MACROD2: variants seen among roughly 807,000 people sequenced by gnomAD.
MACROD2 encodes the protein ADP-ribose glycohydrolase MACROD2.
MACROD2 carries 36 observed loss-of-function variants against 70.4 expected under a neutral mutation model. That is an observed-to-expected ratio of 0.51 (90% CI 0.39 to 0.68). MACROD2 has a LOEUF of 0.68. Ranked by LOEUF, MACROD2 falls within the 30% of genes least tolerant of loss-of-function variation. The pLI is 0.00. For missense variants in MACROD2, 496 were observed against 538.4 expected, an observed-to-expected ratio of 0.92 and a Z score of 0.78; for synonymous variants, 172 against 178.8, an observed-to-expected ratio of 0.96 and a Z score of 0.30.
At chr20:15,841,670 C>A (rs535750237) in intron 8 of MACROD2, among the ~76,000 whole-genome samples, 1 of 152,228 alleles carries the variant, frequency 6.6e-6, no homozygotes, top group East Asian at 1.9e-4. Flanking sequence ...CAGGCCCTAC[C>A]TCCAACACTG....
intron 6 of MACROD2, among the ~76,000 whole-genome samples, chr20:15,243,839 T>C (rs190400016): frequency 0.011 from 1,626 of 150,092 alleles, 30 homozygotes; most frequent in African/African-American, 0.038. Flanking sequence ...GGCAGGAGAA[T>C]GGCGTGAATC....
At chr20:14,387,132 T>C (rs572298582) in intron 3 of MACROD2, among the ~76,000 whole-genome samples, 1 of 152,340 alleles carries the variant, frequency 6.6e-6, no homozygotes, top group African/African-American at 2.4e-5. Context: ...TAAAGTCTTT[T>C]TATAGTCTGT....
rs557410146 is a variant in MACROD2 at position 15,322,391 on chromosome 20, A to G, written c.540+92330A>G. On this transcript the variant is annotated intron_variant, in intron 6 of 17. Coordinates refer to ENST00000684519, the MANE Select transcript of MACROD2 (RefSeq NM_001351661.2). ...ATGGACTGAGTAGTGATTCACAAAA[A>G]TGGAGCCACAAATAATAAAAAATCA... Among the ~76,000 whole-genome samples, 15 of 143,958 alleles carry G rather than the reference A, an allele frequency of 1.0e-4. 1 individual carries two copies. Among genetic ancestry groups the G allele is most frequent in the African/African-American group, 3.0e-4 (12 of 40,312 alleles). The allele number at this position is 143,958 out of a possible 152,430, so 94.4% of individuals were successfully genotyped here. A position where few individuals can be genotyped will look rare whatever the true frequency, so the allele number is the denominator to read the frequency against.
Position 14,689,118 on chromosome 20 carries a change from C to T in MACROD2, c.418+4159C>T, listed in dbSNP as rs554504941. On this transcript the variant is annotated intron_variant, in intron 5 of 17. Coordinates refer to ENST00000684519, the MANE Select transcript of MACROD2 (RefSeq NM_001351661.2). ...GAACCTGGTCCTCAAAGCCTTTGCA[C>T]TGGCATTCCTTCTGCTGGATTTCTA... Among the ~76,000 whole-genome samples the T allele has an allele frequency of 5.6e-4, 85 of 152,290 alleles. 1 individual carries two copies. The highest frequency in any genetic ancestry group is 1.9e-3 in the African/African-American group (80 of 41,548).
intron 8 of MACROD2, among the ~76,000 whole-genome samples, chr20:15,590,943 G>A (rs1361671165): frequency 3.1e-5 from 4 of 130,008 alleles, no homozygotes; most frequent in Non-Finnish European, 7.0e-5. Context: ...AGGAAAGAGA[G>A]AGAAAGAAAG....
At chr20:14,501,270 C>T (rs1242378824) in intron 4 of MACROD2, among the ~76,000 whole-genome samples, 1 of 152,020 alleles carries the variant, frequency 6.6e-6, no homozygotes, top group African/African-American at 2.4e-5. Context: ...TTACATTCTA[C>T]AGATCACATG....
chr20:14,816,297 A>G (rs757251530), intron 5 of MACROD2, among the ~76,000 whole-genome samples: 2 of 152,034 alleles, frequency 1.3e-5, no homozygotes, highest in Non-Finnish European at 2.9e-5. Flanking sequence ...CTGATTTCCA[A>G]ACATCTGTAT....
At chr20:15,300,711 C>T (rs1433194472) in intron 6 of MACROD2, among the ~76,000 whole-genome samples, 1 of 152,138 alleles carries the variant, frequency 6.6e-6, no homozygotes, top group Non-Finnish European at 1.5e-5. Context: ...GGGGCTCAGA[C>T]CACATGTGAA....
At chr20:15,877,978 G>A (rs192697311) in intron 9 of MACROD2, among the ~76,000 whole-genome samples, 47 of 152,140 alleles carry the variant, frequency 3.1e-4, no homozygotes, top group African/African-American at 1.1e-3. Flanking sequence ...CTTGGGAGTG[G>A]AGAGGATGCC....
chr20:16,019,117 A>G (rs2066967752), intron 15 of MACROD2, among the ~76,000 whole-genome samples: 1 of 152,236 alleles, frequency 6.6e-6, no homozygotes, highest in South Asian at 2.1e-4. Flanking sequence ...GAGTCATAGA[A>G]ATAGGACACT....
intron 6 of MACROD2, among the ~76,000 whole-genome samples, chr20:15,403,215 G>A (rs541781536): frequency 1.3e-5 from 2 of 152,100 alleles, no homozygotes; most frequent in Admixed American, 6.6e-5. Flanking sequence ...TGATCCACCC[G>A]CCTCAGCCTC....
intron 5 of MACROD2, among the ~76,000 whole-genome samples, chr20:15,216,858 A>G (rs1306762702): frequency 6.6e-6 from 1 of 152,006 alleles, no homozygotes; most frequent in Admixed American, 6.6e-5. Flanking sequence ...TCTTTGCTTC[A>G]TTTTTCTCCT....
chr20:15,491,298 ATTTCTC>A (rs1490261338), intron 7 of MACROD2, among the ~76,000 whole-genome samples: 2 of 152,186 alleles, frequency 1.3e-5, no homozygotes, highest in African/African-American at 2.4e-5. Flanking sequence ...TTTATAGAAC[ATTTCTC>A]TACTGTGCAT....
intron 5 of MACROD2, among the ~76,000 whole-genome samples, chr20:15,092,084 A>G (rs2075796953): frequency 6.6e-6 from 1 of 152,148 alleles, no homozygotes; most frequent in African/African-American, 2.4e-5. Flanking sequence ...TTGGAAACAG[A>G]TTATATTGCC....
At chr20:14,101,994 T>G (rs1368123114) in intron 3 of MACROD2, among the ~76,000 whole-genome samples, 1 of 3,680 alleles carries the variant, frequency 2.7e-4, no homozygotes, top group Non-Finnish European at 7.1e-4. Flanking sequence ...TTAATGAGTC[T>G]TTTTTTTTTT....
At chr20:14,360,342 A>G (rs2083209847) in intron 3 of MACROD2, among the ~76,000 whole-genome samples, 2 of 152,258 alleles carry the variant, frequency 1.3e-5, no homozygotes, top group South Asian at 4.1e-4. Context: ...CACAATGTAT[A>G]CATATTTTAA....
chr20:14,823,919 A>G (rs1483238800), intron 5 of MACROD2, among the ~76,000 whole-genome samples: 1 of 152,144 alleles, frequency 6.6e-6, no homozygotes, highest in African/African-American at 2.4e-5. Context: ...AAGTACAAAT[A>G]CTTACATTGC....
intron 8 of MACROD2, among the ~76,000 whole-genome samples, chr20:15,683,715 A>G (rs971767026): frequency 1.3e-5 from 2 of 152,062 alleles, no homozygotes; most frequent in Non-Finnish European, 2.9e-5. Flanking sequence ...AGTAGCTGGG[A>G]CTACAGGCAT....
chr20:14,574,643 A>G (rs1251289949), intron 4 of MACROD2, among the ~76,000 whole-genome samples: 1 of 151,078 alleles, frequency 6.6e-6, no homozygotes, highest in African/African-American at 2.4e-5. Flanking sequence ...ACATATATAA[A>G]TTATAAAATA....
Sources: gnomAD v4.1 joint callset for allele counts (sites outside exome capture counted in the v4.1 genomes callset) on GRCh38, gnomAD v4.1.1 for gene constraint, MANE v1.5 for transcripts, NCBI Gene and HGNC (gene_info 2026-07-23, HGNC 2026-07-21) for gene names.